The following GRM7 variants were observed in gnomAD, a reference collection of about 807,000 sequenced individuals.
The protein encoded by GRM7 is metabotropic glutamate receptor 7.
Under a neutral mutation model 84.5 loss-of-function variants are expected in GRM7, and 35 were observed. The observed-to-expected ratio is 0.41, with a 90% confidence interval of 0.32 to 0.55. The LOEUF is 0.55. Among genes scored for constraint, GRM7 ranks in the 20% least tolerant of loss-of-function variants. The pLI is 0.19. For missense variants in GRM7, 1,003 were observed against 1,194.6 expected (o/e 0.84, Z 2.36); for synonymous variants, 487 against 455.1 (o/e 1.07, Z -0.89).
intron 1 of GRM7, among the ~76,000 whole-genome samples, chr3:6,889,946 C>T (rs1249460824): frequency 6.6e-6 from 1 of 152,140 alleles, no homozygotes; most frequent in Non-Finnish European, 1.5e-5. Context: ...CAACTTCTTC[C>T]TGGTTTAGTC....
At chr3:7,467,841 G>C (rs1414094091) in intron 7 of GRM7, among the ~76,000 whole-genome samples, 3 of 151,880 alleles carry the variant, frequency 2.0e-5, no homozygotes. Context: ...TTTTGTTTTA[G>C]TGTGCCCAGG....
At chr3:6,935,364 A>C (rs1456133315) in intron 1 of GRM7, among the ~76,000 whole-genome samples, 1 of 150,778 alleles carries the variant, frequency 6.6e-6, no homozygotes, top group African/African-American at 2.4e-5. Flanking sequence ...TTTTTTTTTG[A>C]AAAGGAAGTC....
intron 4 of GRM7, among the ~76,000 whole-genome samples, chr3:7,393,328 C>A (rs895325908): frequency 2.0e-5 from 3 of 152,164 alleles, no homozygotes; most frequent in African/African-American, 7.2e-5. Flanking sequence ...AGCATCATCT[C>A]TGTGTGAGCT....
At chr3:7,312,293 G>C (rs1406716825) in intron 4 of GRM7, among the ~76,000 whole-genome samples, 3 of 152,102 alleles carry the variant, frequency 2.0e-5, no homozygotes, top group East Asian at 3.9e-4. Flanking sequence ...GGGCTTCCAG[G>C]GTCAGTAGAA....
chr3:7,031,557 C>G (rs919357511), intron 1 of GRM7, among the ~76,000 whole-genome samples: 6 of 151,972 alleles, frequency 3.9e-5, no homozygotes, highest in Non-Finnish European at 7.4e-5. Context: ...GCTGGGACTA[C>G]AGGCGCCCGC....
chr3:6,950,761 G>A (rs1264205224), intron 1 of GRM7, among the ~76,000 whole-genome samples: 2 of 152,188 alleles, frequency 1.3e-5, no homozygotes, highest in Non-Finnish European at 2.9e-5. Flanking sequence ...AATGGCAGGC[G>A]CCCCTCCCCC....
intron 1 of GRM7, among the ~76,000 whole-genome samples, chr3:7,039,981 A>G (rs146767686): frequency 7.5e-4 from 114 of 152,282 alleles, no homozygotes; most frequent in Middle Eastern, 3.4e-3. Context: ...CTCGGCACCT[A>G]GCAATTGCTT....
At chr3:7,661,755 C>G (rs532873397) in intron 8 of GRM7, among the ~76,000 whole-genome samples, 42 of 134,192 alleles carry the variant, frequency 3.1e-4, no homozygotes, top group Middle Eastern at 4.9e-3. Context: ...GATCGTGCCA[C>G]TGCACTCCAG....
At chr3:6,953,834 C>T (rs1205573907) in intron 1 of GRM7, among the ~76,000 whole-genome samples, 1 of 151,928 alleles carries the variant, frequency 6.6e-6, no homozygotes, top group Non-Finnish European at 1.5e-5. Context: ...CCTCCAGTGA[C>T]ATAAAAAAAT....
At chr3:7,191,918 A>G (rs1189962670) in intron 2 of GRM7, among the ~76,000 whole-genome samples, 2 of 152,122 alleles carry the variant, frequency 1.3e-5, no homozygotes, top group African/African-American at 2.4e-5. Flanking sequence ...GTGAACTCCT[A>G]TACCCCTATT....
intron 1 of GRM7, among the ~76,000 whole-genome samples, chr3:6,888,991 C>T (rs546756911): frequency 4.8e-4 from 73 of 152,168 alleles, no homozygotes; most frequent in African/African-American, 1.4e-3. Context: ...CTCTTTGAAG[C>T]AATTGTGAAT....
chr3:7,530,438 T>A (rs1014933532), intron 7 of GRM7, among the ~76,000 whole-genome samples: 1 of 152,226 alleles, frequency 6.6e-6, no homozygotes, highest in Non-Finnish European at 1.5e-5. Context: ...GAATGATTTA[T>A]AATCCTTTGG....
At chr3:7,522,985 G>T (rs529353506) in intron 7 of GRM7, among the ~76,000 whole-genome samples, 23 of 152,106 alleles carry the variant, frequency 1.5e-4, no homozygotes, top group Non-Finnish European at 2.8e-4. Context: ...GAAGGCAGCT[G>T]TCCTCAAGAA....
chr3:6,890,375 A>G (rs1013093875), intron 1 of GRM7, among the ~76,000 whole-genome samples: 2 of 152,120 alleles, frequency 1.3e-5, no homozygotes, highest in South Asian at 4.1e-4. Context: ...ATTTAATGCT[A>G]TAAATTTCTC....
chr3:7,509,322 T>C (rs542962300), intron 7 of GRM7, among the ~76,000 whole-genome samples: 1 of 152,292 alleles, frequency 6.6e-6, no homozygotes, highest in South Asian at 2.1e-4. Context: ...CTGCACCTAA[T>C]TTATAAATTA....
chr3:7,485,335 AG>A (rs1019932641), intron 7 of GRM7, among the ~76,000 whole-genome samples: 2 of 152,198 alleles, frequency 1.3e-5, no homozygotes, highest in African/African-American at 4.8e-5. Flanking sequence ...AGAGCTTATC[AG>A]TGAAATGTTC....
chr3:7,083,771 T>TCC (rs1698349503), intron 1 of GRM7, among the ~76,000 whole-genome samples: 1 of 152,126 alleles, frequency 6.6e-6, no homozygotes, highest in Non-Finnish European at 1.5e-5. Flanking sequence ...TTACTAAATT[T>TCC]TAGACGTATT....
intron 7 of GRM7, among the ~76,000 whole-genome samples, chr3:7,556,967 CA>C (rs1234262587): frequency 6.6e-6 from 1 of 152,134 alleles, no homozygotes; most frequent in African/African-American, 2.4e-5. Flanking sequence ...GCATAAAAAG[CA>C]GGTCTTTAGG....
In GRM7 at chr3:7,006,631, A is replaced by G. The variant is rs902077277; in HGVS notation, c.520-139821A>G. ...ATTATTCAGTGTGTAATTTTGCAGTAGTAGTATAAGCCACACTAAATCATA... is the reference window on the plus strand; with the variant it reads ...ATTATTCAGTGTGTAATTTTGCAGTGGTAGTATAAGCCACACTAAATCATA... On this transcript the variant is annotated intron_variant, in intron 1 of 9. Transcript: ENST00000357716. Among the ~76,000 whole-genome samples, 6 of 152,316 alleles carry G rather than the reference A, an allele frequency of 3.9e-5. No homozygotes were observed. In the South Asian group the frequency reaches 8.3e-4, roughly 21 times the overall value.
Sources: allele counts gnomAD v4.1 joint callset (sites outside exome capture counted in the v4.1 genomes callset), GRCh38; gene constraint gnomAD v4.1.1; transcripts MANE v1.5; gene names NCBI Gene and HGNC (gene_info 2026-07-23, HGNC 2026-07-21).